The following TAFA5 variants were observed in gnomAD, a reference collection of about 807,000 sequenced individuals.
The protein encoded by TAFA5 is TAFA chemokine like family member 5.
In TAFA5, 6 loss-of-function variants were observed where a neutral mutation model predicts 15.3. That is an observed-to-expected ratio of 0.39 (90% CI 0.21 to 0.77). The LOEUF (loss-of-function observed/expected upper bound fraction) is 0.77, where lower values mean the gene tolerates loss of function less well. Ranked by LOEUF, TAFA5 falls within the 30% of genes least tolerant of loss-of-function variation. TAFA5 has a pLI of 0.41. For missense variants in TAFA5, 161 were observed against 193.1 expected, an observed-to-expected ratio of 0.83 and a Z score of 0.98; for synonymous variants, 103 against 80.7, an observed-to-expected ratio of 1.28 and a Z score of -1.48.
chr22:48,689,030 T>C (rs1476215904), intron 2 of TAFA5, among the ~76,000 whole-genome samples: 2 of 151,144 alleles, frequency 1.3e-5, no homozygotes, highest in South Asian at 2.1e-4. Flanking sequence ...AAACCTTTGT[T>C]GATGTGCTGC....
intron 1 of TAFA5, among the ~76,000 whole-genome samples, chr22:48,521,950 G>A (rs1016983760): frequency 2.6e-5 from 4 of 152,164 alleles, no homozygotes; most frequent in African/African-American, 4.8e-5. Flanking sequence ...GGGCTTAGAC[G>A]ACAAGGAGGA....
At chr22:48,597,735 A>G (rs1016862313) in intron 1 of TAFA5, among the ~76,000 whole-genome samples, 5 of 152,258 alleles carry the variant, frequency 3.3e-5, no homozygotes, top group Non-Finnish European at 7.3e-5. Flanking sequence ...ATCCTTTCAG[A>G]AAACTCTTAC....
chr22:48,617,924 C>G (rs942315014), intron 1 of TAFA5, among the ~76,000 whole-genome samples: 4 of 152,150 alleles, frequency 2.6e-5, no homozygotes, highest in African/African-American at 9.6e-5. Context: ...GCACTCTGTT[C>G]ATGGTAACCT....
chr22:48,570,629 ACAGT>A, intron 1 of TAFA5, among the ~76,000 whole-genome samples: 1 of 152,352 alleles, frequency 6.6e-6, no homozygotes, highest in Middle Eastern at 3.4e-3. Context: ...TCCATTTTGA[ACAGT>A]GAAAAACACG....
chr22:48,618,313 C>G (rs906839398), intron 1 of TAFA5, among the ~76,000 whole-genome samples: 9 of 152,220 alleles, frequency 5.9e-5, no homozygotes, highest in African/African-American at 1.9e-4. Context: ...CGTGGCAGGC[C>G]AGGAGCCTGT....
At chr22:48,661,984 G>A (rs895329729) in intron 2 of TAFA5, among the ~76,000 whole-genome samples, 19 of 132,944 alleles carry the variant, frequency 1.4e-4, no homozygotes, top group Non-Finnish European at 8.1e-5. Context: ...TGGGGAGATG[G>A]TGACTGGGGG....
At chr22:48,619,615 A>G (rs1220785425) in intron 1 of TAFA5, among the ~76,000 whole-genome samples, 12 of 152,294 alleles carry the variant, frequency 7.9e-5, no homozygotes, top group African/African-American at 2.9e-4. Context: ...TGGACTCCCA[A>G]AGTGCTGAGA....
chr22:48,511,627 A>G (rs1490540819), intron 1 of TAFA5, among the ~76,000 whole-genome samples: 1 of 152,158 alleles, frequency 6.6e-6, no homozygotes, highest in Non-Finnish European at 1.5e-5. Context: ...GCAAAGCCGC[A>G]TTCGTTCTGC....
intron 1 of TAFA5, among the ~76,000 whole-genome samples, chr22:48,624,772 G>A (rs1925969840): frequency 6.6e-6 from 1 of 152,176 alleles, no homozygotes; most frequent in African/African-American, 2.4e-5. Context: ...ACCCCAGGGA[G>A]TGTGGGTTTC....
chr22:48,747,520 G>T (rs1930361680), intron 3 of TAFA5, among the ~76,000 whole-genome samples: 1 of 152,178 alleles, frequency 6.6e-6, no homozygotes, highest in South Asian at 2.1e-4. Context: ...AGGGGTCCGT[G>T]GAGGTGGCAC....
In TAFA5 at chr22:48,586,609, C is replaced by T. The variant is rs116382943; in HGVS notation, c.113-59988C>T. Among the ~76,000 whole-genome samples, 331 of 152,342 alleles carry T rather than the reference C, an allele frequency of 2.2e-3. 1 individual carries two copies. Among genetic ancestry groups the T allele is most frequent in the African/African-American group, 7.3e-3 (304 of 41,584 alleles). ...GCCACAGGCACTGGCCACAGGACTG[C>T]GCTGTCTGGAGAGGGATTCGCACAC... On this transcript the variant is annotated intron_variant, in intron 1 of 3. Transcript: ENST00000402357.
chr22:48,519,261 A>G (rs1056731978), intron 1 of TAFA5, among the ~76,000 whole-genome samples: 5 of 152,260 alleles, frequency 3.3e-5, no homozygotes, highest in Non-Finnish European at 5.9e-5. Flanking sequence ...ATTTCATTAC[A>G]TATTTGTAGG....
At chr22:48,624,617 T>C (rs1025463568) in intron 1 of TAFA5, among the ~76,000 whole-genome samples, 5 of 152,218 alleles carry the variant, frequency 3.3e-5, no homozygotes, top group Admixed American at 6.5e-5. Flanking sequence ...GCTCTGGCCA[T>C]GGGCGCTCCC....
Position 48,654,969 on chromosome 22 carries a change from G to A in TAFA5, c.262+8223G>A, listed in dbSNP as rs1253816210. 2.6e-5 allele frequency among the ~76,000 whole-genome samples: 4 copies of A among 152,222 alleles called. No homozygotes were observed. In the South Asian group the frequency reaches 8.3e-4, roughly 31 times the overall value. On this transcript the variant is annotated intron_variant, in intron 2 of 3. Transcript: ENST00000402357. ...TAGGCCTATGGGGTCTGCGGGCCCA[G>A]AGCTGAGTCAGGCAGCGTGTGGTGG...
chr22:48,493,961 G>A (rs1023562701), intron 1 of TAFA5, among the ~76,000 whole-genome samples: 1 of 152,194 alleles, frequency 6.6e-6, no homozygotes, highest in African/African-American at 2.4e-5. Context: ...GCCAGAAGGG[G>A]GGTCTCCACT....
chr22:48,618,329 G>C (rs1925686546), intron 1 of TAFA5, among the ~76,000 whole-genome samples: 1 of 152,228 alleles, frequency 6.6e-6, no homozygotes, highest in Admixed American at 6.5e-5. Context: ...CCTGTGCACT[G>C]ACGCTCGCCT....
chr22:48,603,908 G>T (rs970177228), intron 1 of TAFA5, among the ~76,000 whole-genome samples: 1 of 152,138 alleles, frequency 6.6e-6, no homozygotes, highest in Non-Finnish European at 1.5e-5. Context: ...GAAAGTGAAT[G>T]GGGGGCAGTG....
intron 1 of TAFA5, among the ~76,000 whole-genome samples, chr22:48,582,148 A>G (rs1924071036): frequency 6.6e-6 from 1 of 151,812 alleles, no homozygotes; most frequent in African/African-American, 2.4e-5. Flanking sequence ...GTGTGAGCCC[A>G]CCTCTCCCAG....
intron 2 of TAFA5, among the ~76,000 whole-genome samples, chr22:48,666,267 C>A (rs73889521): frequency 0.19 from 29,279 of 152,102 alleles, 2,850 homozygotes; most frequent in South Asian, 0.25. Context: ...GCTATTATCC[C>A]AGCCGAGAAA....
Sources: allele counts gnomAD v4.1 joint callset (sites outside exome capture counted in the v4.1 genomes callset), GRCh38; gene constraint gnomAD v4.1.1; transcripts MANE v1.5; gene names NCBI Gene and HGNC (gene_info 2026-07-23, HGNC 2026-07-21).